Variants in DMD observed in about 807,000 individuals in gnomAD.
DMD encodes mutant dystrophin.
A neutral mutation model predicts 330.1 loss-of-function variants in DMD; 63 were observed. The ratio of observed to expected loss-of-function variants is 0.19; its 90% CI spans 0.16 to 0.24. DMD has a LOEUF of 0.24. Among genes scored for constraint, DMD ranks in the 10% least tolerant of loss-of-function variants. The pLI is 1.00. For missense variants in DMD, 3,344 were observed against 2,684.1 expected, an observed-to-expected ratio of 1.25 and a Z score of -5.43; for synonymous variants, 1,223 against 959.8, an observed-to-expected ratio of 1.27 and a Z score of -5.07.
chrX:33,152,619 T>C (rs2048334441), intron 1 of DMD, among the ~76,000 whole-genome samples: 1 of 111,100 alleles, frequency 9.0e-6, no homozygotes, highest in Admixed American at 9.7e-5. Flanking sequence ...TGGAGATTTT[T>C]ACATGTGGAA....
chrX:31,927,422 T>C (rs112869164), intron 47 of DMD, among the ~76,000 whole-genome samples: 1,620 of 112,251 alleles, frequency 0.014, 23 homozygotes, highest in African/African-American at 0.049. Flanking sequence ...TTCCTACAAT[T>C]ATAATTTTTG....
At chrX:32,261,629 G>T (rs376587641) in intron 43 of DMD, among the ~76,000 whole-genome samples, 1 of 111,752 alleles carries the variant, frequency 8.9e-6, no homozygotes, top group Non-Finnish European at 1.9e-5. Flanking sequence ...TATCTTAAAT[G>T]CAATAGCACT....
intron 1 of DMD, among the ~76,000 whole-genome samples, chrX:33,105,303 A>G (rs1200020832): frequency 8.9e-6 from 1 of 111,908 alleles, no homozygotes; most frequent in Non-Finnish European, 1.9e-5. Flanking sequence ...ACTTAAGTCT[A>G]AGACCTGAAA....
Position 31,627,834 on chromosome X carries a change from C to G in DMD, c.8056G>C (p.Glu2686Gln), listed in dbSNP as rs1569140347. The G allele has an allele frequency of 5.8e-6, 7 of 1,209,911 alleles. No homozygotes were observed. The highest frequency in any genetic ancestry group is 7.8e-6 in the Non-Finnish European group (7 of 894,733). ...RVSEREAALE[E>Q]THRLLQQFPL... ...AACTGTTGCAGTAATCTATGAGTTT[C>G]TTCCAAAGCAGCCTCTCGCTCACTC... is the stretch of plus-strand genomic sequence containing the variant. The change falls in exon 55 of 79, where the codon GAA (glutamate) becomes CAA (glutamine). Residue 2686 changes from glutamate to glutamine, a missense_variant. Transcript: ENST00000357033.
chrX:33,110,879 CAT>C (rs753549605), intron 1 of DMD, among the ~76,000 whole-genome samples: 1 of 110,838 alleles, frequency 9.0e-6, no homozygotes, highest in African/African-American at 3.3e-5. Context: ...GCCCTTATCA[CAT>C]CACAAGAGAG....
chrX:32,191,551 C>T (rs1042532170), intron 44 of DMD, among the ~76,000 whole-genome samples: 9 of 111,352 alleles, frequency 8.1e-5, no homozygotes, highest in Non-Finnish European at 1.3e-4. Flanking sequence ...CCCGGGAACA[C>T]GATTTTGGGC....
chrX:31,967,306 GT>G (rs2095359599), intron 45 of DMD, among the ~76,000 whole-genome samples: 2 of 48,026 alleles, frequency 4.2e-5, no homozygotes, highest in Non-Finnish European at 6.8e-5. Context: ...GGGTGTGTGT[GT>G]GTGTGTGTGT....
chrX:31,386,058 G>C (rs2060429619), intron 60 of DMD, among the ~76,000 whole-genome samples: 1 of 112,234 alleles, frequency 8.9e-6, no homozygotes, highest in Non-Finnish European at 1.9e-5. Context: ...AAAAAAGGAT[G>C]AATTCATATC....
chrX:31,536,678 C>G (rs1257330618), intron 55 of DMD, among the ~76,000 whole-genome samples: 1 of 111,594 alleles, frequency 9.0e-6, no homozygotes, highest in Admixed American at 9.6e-5. Context: ...AACCTTTCAC[C>G]AAACTTACAA....
At chrX:32,689,010 A>G (rs1373162884) in intron 9 of DMD, among the ~76,000 whole-genome samples, 1 of 111,148 alleles carries the variant, frequency 9.0e-6, no homozygotes, top group Non-Finnish European at 1.9e-5. Flanking sequence ...TTGTGGAGTT[A>G]CATCTTTGTA....
intron 55 of DMD, among the ~76,000 whole-genome samples, chrX:31,606,072 A>G (rs760083350): frequency 4.5e-5 from 5 of 111,201 alleles, no homozygotes; most frequent in Non-Finnish European, 9.4e-5. Context: ...AGTTTCTCCC[A>G]TGCTGTTCTC....
intron 29 of DMD, among the ~76,000 whole-genome samples, chrX:32,424,694 C>A (rs962431309): frequency 9.2e-6 from 1 of 108,738 alleles, no homozygotes; most frequent in Non-Finnish European, 1.9e-5. Flanking sequence ...CTGAGTCCCC[C>A]AAATTATGGA....
At chrX:32,668,127 G>A (rs1259361338) in intron 9 of DMD, among the ~76,000 whole-genome samples, 5 of 109,871 alleles carry the variant, frequency 4.6e-5, no homozygotes, top group African/African-American at 1.3e-4. Flanking sequence ...CCAGCCTGGC[G>A]ACAGAGGGAG....
intron 11 of DMD, among the ~76,000 whole-genome samples, chrX:32,635,989 T>G (rs939934658): frequency 3.6e-5 from 4 of 112,003 alleles, no homozygotes; most frequent in Non-Finnish European, 7.5e-5. Context: ...CTAGATCTGC[T>G]TTCCTCCAAA....
chrX:32,902,892 C>A (rs1349582804), intron 2 of DMD, among the ~76,000 whole-genome samples: 1 of 109,553 alleles, frequency 9.1e-6, no homozygotes. Flanking sequence ...TGCGGTGGTT[C>A]ACACCTGTAA....
intron 2 of DMD, among the ~76,000 whole-genome samples, chrX:32,971,235 T>G (rs1327812937): frequency 8.9e-6 from 1 of 111,918 alleles, no homozygotes; most frequent in Non-Finnish European, 1.9e-5. Flanking sequence ...GTGCTGGGAT[T>G]ACAAGCGTGA....
At chrX:31,308,074 C>T (rs1037365848) in intron 62 of DMD, among the ~76,000 whole-genome samples, 2 of 111,602 alleles carry the variant, frequency 1.8e-5, no homozygotes, top group Non-Finnish European at 3.8e-5. Flanking sequence ...TCTAATGCCA[C>T]GACTGATCTG....
chrX:32,128,315 G>T (rs2096671704), intron 44 of DMD, among the ~76,000 whole-genome samples: 3 of 111,213 alleles, frequency 2.7e-5, no homozygotes, highest in Non-Finnish European at 5.7e-5. Flanking sequence ...GCCTAGGGTG[G>T]GCTGAAGAGA....
chrX:31,489,723 C>G (rs1394128000), intron 57 of DMD, among the ~76,000 whole-genome samples: 1 of 111,331 alleles, frequency 9.0e-6, no homozygotes, highest in Admixed American at 9.5e-5. Context: ...ATAATTTTTC[C>G]TAAAATAATG....
Sources: allele counts gnomAD v4.1 joint callset (sites outside exome capture counted in the v4.1 genomes callset), GRCh38; gene constraint gnomAD v4.1.1; transcripts MANE v1.5; gene names NCBI Gene and HGNC (gene_info 2026-07-23, HGNC 2026-07-21).